GALNTL6: variants seen among roughly 807,000 people sequenced by gnomAD.
The protein encoded by GALNTL6 is polypeptide N-acetylgalactosaminyltransferase like 6, also known as polypeptide N-acetylgalactosaminyltransferase-like 6.
GALNTL6 carries 46 observed loss-of-function variants against 73.7 expected under a neutral mutation model. The observed-to-expected ratio is 0.62, with a 90% CI of 0.49 to 0.80. The LOEUF (loss-of-function observed/expected upper bound fraction) is 0.80. GALNTL6 is among the 30% of genes least tolerant of loss of function. The pLI, the probability that GALNTL6 is intolerant of heterozygous loss-of-function variation, is 0.00. For missense variants in GALNTL6, 604 were observed against 755.0 expected, an observed-to-expected ratio of 0.80 and a Z score of 2.34; for synonymous variants, 259 against 263.7, an observed-to-expected ratio of 0.98 and a Z score of 0.17.
chr4:172,720,918 G>A (rs1256880827), intron 5 of GALNTL6, among the ~76,000 whole-genome samples: 1 of 152,134 alleles, frequency 6.6e-6, no homozygotes. Context: ...TCAGCTTGGT[G>A]CTATACTTTT....
At chr4:172,787,968 T>C (rs1379511015) in intron 5 of GALNTL6, among the ~76,000 whole-genome samples, 1 of 152,218 alleles carries the variant, frequency 6.6e-6, no homozygotes, top group Non-Finnish European at 1.5e-5. Flanking sequence ...ATTTTGTTAT[T>C]AGAAACAGAA....
chr4:171,958,676 T>C (rs1739127727), intron 2 of GALNTL6, among the ~76,000 whole-genome samples: 1 of 152,124 alleles, frequency 6.6e-6, no homozygotes, highest in South Asian at 2.1e-4. Flanking sequence ...ATATCAACTA[T>C]GATCAATCAC....
intron 5 of GALNTL6, among the ~76,000 whole-genome samples, chr4:172,806,886 A>G (rs576783375): frequency 8.3e-4 from 127 of 152,360 alleles, no homozygotes; most frequent in African/African-American, 2.9e-3. Context: ...TGATATGGAA[A>G]GATTTCAATG....
rs57122068 is a variant in GALNTL6 at position 172,935,301 on chromosome 4, A to C, written c.1149+4033A>C. On this transcript the variant is annotated intron_variant, in intron 9 of 12. Coordinates refer to ENST00000506823, the MANE Select transcript of GALNTL6 (RefSeq NM_001034845.3). Reference sequence around the variant, plus strand: ...AGAATGCAAATCTGTATACTGCTGTATTTCACCTCTGACATAGTATCAGTA... The same window carrying C: ...AGAATGCAAATCTGTATACTGCTGTCTTTCACCTCTGACATAGTATCAGTA... 8.8e-3 allele frequency among the ~76,000 whole-genome samples: 1,340 copies of C among 152,340 alleles called. 30 individuals are homozygous for C. The highest frequency in any genetic ancestry group is 0.031 in the African/African-American group (1,278 of 41,560).
intron 5 of GALNTL6, among the ~76,000 whole-genome samples, chr4:172,475,008 A>C (rs908883140): frequency 2.0e-5 from 3 of 152,224 alleles, no homozygotes; most frequent in Non-Finnish European, 4.4e-5. Context: ...CTGTGCCCTC[A>C]GCTGGTAAAA....
chr4:171,879,735 G>A (rs1736384961), intron 2 of GALNTL6, among the ~76,000 whole-genome samples: 1 of 152,028 alleles, frequency 6.6e-6, no homozygotes, highest in Admixed American at 6.6e-5. Flanking sequence ...TCAATGTCAG[G>A]GCTTTCCCAG....
intron 5 of GALNTL6, among the ~76,000 whole-genome samples, chr4:172,783,124 G>T (rs535786863): frequency 9.7e-4 from 147 of 151,012 alleles, no homozygotes; most frequent in Non-Finnish European, 1.7e-3. Context: ...GCCACGGCAG[G>T]TCCAATTCCT....
intron 5 of GALNTL6, among the ~76,000 whole-genome samples, chr4:172,754,551 G>A (rs547906267): frequency 2.6e-5 from 4 of 152,178 alleles, no homozygotes; most frequent in East Asian, 1.9e-4. Context: ...CAGCCTAGGC[G>A]ACAAGAGAAA....
At chr4:172,569,826 C>G (rs1358120073) in intron 5 of GALNTL6, among the ~76,000 whole-genome samples, 1 of 152,038 alleles carries the variant, frequency 6.6e-6, no homozygotes, top group African/African-American at 2.4e-5. Flanking sequence ...ATGTGATGAC[C>G]CTCAGCACAC....
intron 5 of GALNTL6, among the ~76,000 whole-genome samples, chr4:172,636,960 A>G (rs1378012223): frequency 6.6e-6 from 1 of 152,176 alleles, no homozygotes; most frequent in Non-Finnish European, 1.5e-5. Flanking sequence ...AGAAATTGGT[A>G]CAATGAGTCT....
intron 2 of GALNTL6, among the ~76,000 whole-genome samples, chr4:172,100,826 C>T (rs1400773211): frequency 6.6e-6 from 1 of 152,098 alleles, no homozygotes; most frequent in African/African-American, 2.4e-5. Flanking sequence ...TTCTCAATGA[C>T]CCAAAGACTC....
chr4:172,290,746 A>G (rs940630409), intron 3 of GALNTL6, among the ~76,000 whole-genome samples: 1 of 151,848 alleles, frequency 6.6e-6, no homozygotes, highest in African/African-American at 2.4e-5. Context: ...AATATTTATC[A>G]TATCATATAA....
chr4:171,863,154 A>C (rs1735879309), intron 2 of GALNTL6, among the ~76,000 whole-genome samples: 1 of 152,228 alleles, frequency 6.6e-6, no homozygotes, highest in Non-Finnish European at 1.5e-5. Context: ...CCAGTCATTC[A>C]GGAAGTGAAT....
chr4:172,743,729 T>C (rs1736936039), intron 5 of GALNTL6, among the ~76,000 whole-genome samples: 1 of 152,082 alleles, frequency 6.6e-6, no homozygotes, highest in Non-Finnish European at 1.5e-5. Context: ...CTATCATCCT[T>C]ATGAGAAAAG....
chr4:171,908,708 G>A lies in GALNTL6; in HGVS notation c.138+93990G>A, dbSNP rs1443524869. Among the ~76,000 whole-genome samples, 188 of 150,558 alleles carry A rather than the reference G, an allele frequency of 1.2e-3. 2 individuals carry two copies. Among genetic ancestry groups the A allele is most frequent in the African/African-American group, 3.8e-3 (151 of 40,092 alleles). ...ACACATGAACACGTATGTTTATTGC[G>A]GCACTATTCACAATATCAAAGACTT... On this transcript the variant is annotated intron_variant, in intron 2 of 12. Transcript: ENST00000506823.
intron 2 of GALNTL6, among the ~76,000 whole-genome samples, chr4:171,959,274 T>A (rs888513492): frequency 1.3e-5 from 2 of 152,164 alleles, no homozygotes; most frequent in Admixed American, 6.6e-5. Flanking sequence ...GCCTTATGAA[T>A]GTAAACATTT....
At chr4:171,972,301 T>C (rs928718913) in intron 2 of GALNTL6, among the ~76,000 whole-genome samples, 13 of 152,228 alleles carry the variant, frequency 8.5e-5, no homozygotes, top group Admixed American at 2.0e-4. Context: ...ATTTAACATA[T>C]GGCATCTATA....
chr4:172,686,825 C>T (rs1732944936), intron 5 of GALNTL6, among the ~76,000 whole-genome samples: 2 of 152,206 alleles, frequency 1.3e-5, no homozygotes, highest in South Asian at 4.1e-4. Context: ...GTTTTTAGGC[C>T]TCATCTATCC....
chr4:172,944,927 A>AAT (rs1280598711), intron 9 of GALNTL6, among the ~76,000 whole-genome samples: 38 of 152,044 alleles, frequency 2.5e-4, no homozygotes, highest in Admixed American at 1.5e-3. Context: ...GCATGGTGGC[A>AAT]TGCGCCTGTA....
Sources: allele counts gnomAD v4.1 joint callset (sites outside exome capture counted in the v4.1 genomes callset), GRCh38; gene constraint gnomAD v4.1.1; transcripts MANE v1.5; gene names NCBI Gene and HGNC (gene_info 2026-07-23, HGNC 2026-07-21).